C13orf42: variants seen among roughly 807,000 people sequenced by gnomAD.
C13orf42 encodes uncharacterized protein C13orf42.
chr13:51,101,350 T>C (rs1953288244), intron 1 of C13orf42, among the ~76,000 whole-genome samples: 1 of 152,206 alleles, frequency 6.6e-6, no homozygotes, highest in African/African-American at 2.4e-5. Flanking sequence ...TATACTTTTC[T>C]GTGTGTTATG....
intron 1 of C13orf42, among the ~76,000 whole-genome samples, chr13:51,161,348 AT>A (rs1953862906): frequency 6.6e-6 from 1 of 151,990 alleles, no homozygotes; most frequent in Non-Finnish European, 1.5e-5. Flanking sequence ...TATATGAAGC[AT>A]GTCTTTTTAG....
intron 1 of C13orf42, among the ~76,000 whole-genome samples, chr13:51,117,707 T>A (rs902647308): frequency 6.6e-6 from 1 of 152,156 alleles, no homozygotes; most frequent in Non-Finnish European, 1.5e-5. Flanking sequence ...CCCCTCCTAT[T>A]TTTTTCTTTT....
chr13:51,103,676 G>T (rs377631780), intron 1 of C13orf42, among the ~76,000 whole-genome samples: 1 of 150,242 alleles, frequency 6.7e-6, no homozygotes, highest in African/African-American at 2.5e-5. Context: ...ATACCAGCGC[G>T]GGCCACAGTG....
At chr13:51,102,070 G>A (rs141421402) in intron 1 of C13orf42, among the ~76,000 whole-genome samples, 26 of 152,240 alleles carry the variant, frequency 1.7e-4, no homozygotes, top group African/African-American at 5.8e-4. Flanking sequence ...GCCATCTTGC[G>A]GAGAACTCTG....
In C13orf42 at chr13:51,168,924, C is replaced by T. The variant is rs1336197274; in HGVS notation, n.136+3329G>A. Among the ~76,000 whole-genome samples the T allele has an allele frequency of 3.3e-5, 5 of 152,152 alleles. No homozygotes were observed. The East Asian group carries it at 5.8e-4, about 18-fold the overall frequency. ...ATAAGCCTCTTTCCTCTTTGCCTTC[C>T]GCCATAATTGTAAGTTTCCTGAGGC... On this transcript the variant is annotated intron_variant and non_coding_transcript_variant, in intron 1 of 4. Coordinates refer to the C13orf42 transcript ENST00000433280.
chr13:51,112,869 A>T (rs1953448313), upstream of C13orf42, among the ~76,000 whole-genome samples: 1 of 152,028 alleles, frequency 6.6e-6, no homozygotes, highest in Non-Finnish European at 1.5e-5. Context: ...TGAACTCATA[A>T]AGTCACCGAG....
chr13:51,162,087 TTGG>T, intron 1 of C13orf42: 1 of 336,540 alleles, frequency 3.0e-6, no homozygotes, highest in Admixed American at 3.2e-5. Flanking sequence ...ACACCGTATT[TTGG>T]AAGTTCGTGT....
At chr13:51,118,602 C>A (rs1424162522) in intron 1 of C13orf42, among the ~76,000 whole-genome samples, 1 of 152,204 alleles carries the variant, frequency 6.6e-6, no homozygotes, top group African/African-American at 2.4e-5. Context: ...TTTACACAGG[C>A]AGCCTCGGCT....
upstream of C13orf42, among the ~76,000 whole-genome samples, chr13:51,112,060 A>G (rs1953441403): frequency 6.6e-6 from 1 of 152,258 alleles, no homozygotes; most frequent in Non-Finnish European, 1.5e-5. Context: ...ACTAGTTAAC[A>G]TCAGACATAA....
intron 1 of C13orf42, among the ~76,000 whole-genome samples, chr13:51,149,205 T>C (rs745877920): frequency 1.3e-5 from 2 of 151,434 alleles, no homozygotes; most frequent in African/African-American, 2.4e-5. Context: ...AAAGATCAGC[T>C]AGCTAGAGAG....
intron 1 of C13orf42, among the ~76,000 whole-genome samples, chr13:51,147,444 G>A (rs1481757626): frequency 6.6e-6 from 1 of 152,128 alleles, no homozygotes; most frequent in East Asian, 1.9e-4. Flanking sequence ...AACGCAAGGG[G>A]TGAGGCCAGG....
At chr13:51,137,295 T>G (rs1334612851) in intron 1 of C13orf42, among the ~76,000 whole-genome samples, 2 of 152,200 alleles carry the variant, frequency 1.3e-5, no homozygotes, top group African/African-American at 4.8e-5. Flanking sequence ...GCGAGGGAGT[T>G]GAACTCTGCA....
At chr13:51,169,847 T>C (rs905515059) in intron 1 of C13orf42, among the ~76,000 whole-genome samples, 1 of 152,210 alleles carries the variant, frequency 6.6e-6, no homozygotes, top group African/African-American at 2.4e-5. Context: ...TCCAGGAAGA[T>C]TGCTGCAGGG....
chr13:51,095,418 T>C (rs180804438), intron 1 of C13orf42, among the ~76,000 whole-genome samples: 174 of 152,280 alleles, frequency 1.1e-3, no homozygotes, highest in African/African-American at 3.5e-3. Flanking sequence ...CCCTCAAATA[T>C]TTCTCATACC....
intron 1 of C13orf42, among the ~76,000 whole-genome samples, chr13:51,094,512 C>T (rs9535575): frequency 0.75 from 114,356 of 152,078 alleles, 43,667 homozygotes; most frequent in African/African-American, 0.9. Context: ...CAATTAGTTA[C>T]AATTTAGAGA....
intron 1 of C13orf42, among the ~76,000 whole-genome samples, chr13:51,159,754 C>T (rs1953850120): frequency 6.6e-6 from 1 of 152,188 alleles, no homozygotes. Context: ...CATTTTTATG[C>T]ATTTTATACA....
At chr13:51,091,411 T>C (rs1215899933) in intron 1 of C13orf42, among the ~76,000 whole-genome samples, 1 of 152,178 alleles carries the variant, frequency 6.6e-6, no homozygotes, top group Non-Finnish European at 1.5e-5. Context: ...AAATCCTTCA[T>C]GGGATAAGGC....
rs1202370498 is a variant in C13orf42, at chr13:51,153,621, G to GTTTTTT, written n.136+18626_136+18631dup. ...TTATCAACCCATTTTCTTGCTTTCTGTTTTTTTTCTTTTTTTTTTTTTTTT... is the reference window on the plus strand; with the variant it reads ...TTATCAACCCATTTTCTTGCTTTCTGTTTTTTTTTTTTTTCTTTTTTTTTTTTTTTT... On this transcript the variant is annotated intron_variant and non_coding_transcript_variant, in intron 1 of 4. Coordinates refer to the C13orf42 transcript ENST00000433280. Among the ~76,000 whole-genome samples, 162 of 81,994 alleles carry GTTTTTT rather than the reference G, an allele frequency of 2.0e-3. 5 individuals carry two copies. The highest frequency in any genetic ancestry group is 0.013 in the East Asian group (38 of 2,940). 53.8% of individuals were successfully genotyped at this position (81,994 alleles called of 152,430 possible).
chr13:51,121,338 C>T (rs924025236), intron 1 of C13orf42, among the ~76,000 whole-genome samples: 4 of 151,990 alleles, frequency 2.6e-5, no homozygotes, highest in African/African-American at 9.7e-5. Flanking sequence ...TTAGACCAGA[C>T]CTTGAGAAAA....
Sources: gnomAD v4.1 joint callset for allele counts (sites outside exome capture counted in the v4.1 genomes callset) on GRCh38, gnomAD v4.1.1 for gene constraint, MANE v1.5 for transcripts, NCBI Gene and HGNC (gene_info 2026-07-23, HGNC 2026-07-21) for gene names.